YTHDC2: variants seen among roughly 807,000 people sequenced by gnomAD.
YTHDC2 encodes YTH N6-methyladenosine RNA binding protein C2.
A neutral mutation model predicts 174.9 loss-of-function variants in YTHDC2; 45 were observed. The ratio of observed to expected loss-of-function variants is 0.26; its 90% CI spans 0.20 to 0.33. YTHDC2 has a LOEUF of 0.33. YTHDC2 is among the 10% of genes least tolerant of loss of function. The pLI is 1.00. For synonymous variants in YTHDC2, 657 were observed against 574.5 expected (o/e 1.14, Z -2.05); for missense variants, 1,650 against 1,723.7 (o/e 0.96, Z 0.76).
chr5:113,555,979 G>A, intron 16 of YTHDC2, 73 bp from the exon 17 acceptor site: 1 of 868,292 alleles, frequency 1.2e-6, no homozygotes. Flanking sequence ...GTTAAAATAT[G>A]TTGATAACAT....
chr5:113,542,696 A>T (rs1775572200), intron 10 of YTHDC2, among the ~76,000 whole-genome samples, 193 bp downstream of exon 10: 1 of 152,240 alleles, frequency 6.6e-6, no homozygotes, highest in South Asian at 2.1e-4. Context: ...ATATTGTGTT[A>T]AATCAGATTC....
intron 21 of YTHDC2, among the ~76,000 whole-genome samples, chr5:113,566,336 A>G (rs1197376810): frequency 6.6e-6 from 1 of 152,124 alleles, no homozygotes; most frequent in Non-Finnish European, 1.5e-5. Flanking sequence ...TTTTATCACC[A>G]TTAATGAATA....
intron 23 of YTHDC2, among the ~76,000 whole-genome samples, chr5:113,572,130 A>G (rs150517708): frequency 1.3e-5 from 2 of 152,316 alleles, no homozygotes; most frequent in Non-Finnish European, 2.9e-5. Flanking sequence ...CCGTCTTAAC[A>G]CTACTTTAGC....
intron 6 of YTHDC2, among the ~76,000 whole-genome samples, chr5:113,535,290 G>T (rs190635931): frequency 1.1e-4 from 16 of 152,128 alleles, no homozygotes; most frequent in African/African-American, 3.9e-4. Flanking sequence ...AATATAGGTA[G>T]TCTAGAGATG....
chr5:113,553,736 A>G (rs1234101709), intron 14 of YTHDC2, 31 bp from the exon 15 acceptor site: 2 of 1,612,416 alleles, frequency 1.2e-6, no homozygotes, highest in Non-Finnish European at 1.7e-6. Context: ...GACAGGTCTT[A>G]TAGTATGTTT....
chr5:113,556,195 C>A, intron 17 of YTHDC2, 61 bp downstream of exon 17: 2 of 829,664 alleles, frequency 2.4e-6, no homozygotes, highest in Non-Finnish European at 3.9e-6. Flanking sequence ...TTTTTATATG[C>A]ATTACACATT....
In YTHDC2 at chr5:113,545,728, ATTTTTTTTTTTTTTTT is replaced by A. The variant is rs1159754942; in HGVS notation, c.1496-2798_1496-2783del. ...ATTTTTTGAAAAATAATTGATCTCC[ATTTTTTTTTTTTTTTT>A]TTTTTTTTTTTTTTGAGACGGAGTC... On this transcript the variant is annotated intron_variant, in intron 10 of 29. Coordinates refer to ENST00000161863, the MANE Select transcript of YTHDC2 (RefSeq NM_022828.5). Among the ~76,000 whole-genome samples the A allele has an allele frequency of 5.0e-4, 25 of 49,512 alleles. 4 individuals are homozygous for A. Among genetic ancestry groups the A allele is most frequent in the Admixed American group, 9.3e-4 (4 of 4,314 alleles). 32.5% of individuals were successfully genotyped at this position (49,512 alleles called of 152,430 possible).
Position 113,526,829 on chromosome 5 carries a change from AT to A in YTHDC2, c.675+45del, listed in dbSNP as rs1490903558. On this transcript the variant is annotated intron_variant, in intron 4 of 29. Transcript: ENST00000161863. ...GTTTATAGAAAAAAAAAAAAAAAAT[AT>A]ATATATATATATATATATAGTCCCA... 1,215 of 184,132 alleles carry A rather than the reference AT, an allele frequency of 6.6e-3. 2 individuals carry two copies. Among genetic ancestry groups the A allele is most frequent in the African/African-American group, 0.031 (650 of 21,076 alleles). 11.4% of individuals were successfully genotyped at this position (184,132 alleles called of 1,614,324 possible). A position where few individuals can be genotyped will look rare whatever the true frequency, so the allele number is the denominator to read the frequency against.
At chr5:113,556,868 A>G (rs1776643504) in intron 17 of YTHDC2, among the ~76,000 whole-genome samples, 1 of 152,342 alleles carries the variant, frequency 6.6e-6, no homozygotes, top group African/African-American at 2.4e-5. Context: ...ATAATAATGT[A>G]AAGTCTGGGA....
intron 24 of YTHDC2, among the ~76,000 whole-genome samples, chr5:113,581,110 A>G (rs1778377109): frequency 1.3e-5 from 2 of 152,282 alleles, no homozygotes; most frequent in South Asian, 2.1e-4. Flanking sequence ...CTAAAATAAC[A>G]CTATGAGCTA....
intron 23 of YTHDC2, among the ~76,000 whole-genome samples, chr5:113,578,318 C>T (rs975683318): frequency 6.6e-6 from 1 of 152,132 alleles, no homozygotes; most frequent in East Asian, 1.9e-4. Flanking sequence ...ACCTTAGCCT[C>T]CTGAGTAGCT....
intron 7 of YTHDC2, among the ~76,000 whole-genome samples, chr5:113,537,211 A>G (rs1775140572): frequency 6.6e-6 from 1 of 152,196 alleles, no homozygotes; most frequent in Non-Finnish European, 1.5e-5. Context: ...AAAGGCTGAA[A>G]TGATTTACAT....
At chr5:113,566,952 A>G (rs1467384745) in intron 21 of YTHDC2, 140 bp from the exon 22 acceptor site, 16 of 981,928 alleles carry the variant, frequency 1.6e-5, no homozygotes, top group East Asian at 1.1e-4. Flanking sequence ...ATTTTAAACA[A>G]CTTTCCAGAG....
At chr5:113,576,968 A>G (rs528441683) in intron 23 of YTHDC2, among the ~76,000 whole-genome samples, 1 of 152,190 alleles carries the variant, frequency 6.6e-6, no homozygotes, top group South Asian at 2.1e-4. Context: ...GTTTTCTATA[A>G]TTTGATTTTT....
At chr5:113,570,778 G>A (rs1777663370) in intron 23 of YTHDC2, among the ~76,000 whole-genome samples, 1 of 152,046 alleles carries the variant, frequency 6.6e-6, no homozygotes, top group Admixed American at 6.5e-5. Flanking sequence ...AGCCTCCGGA[G>A]TAGCTGGGAT....
chr5:113,514,337 C>T (rs1773248583), intron 1 of YTHDC2: 4 of 674,986 alleles, frequency 5.9e-6, no homozygotes, highest in African/African-American at 1.8e-5. Flanking sequence ...GTTTTTCCCC[C>T]GCGTCTTTCA....
chr5:113,521,961 A>G (rs1580476002), intron 2 of YTHDC2, among the ~76,000 whole-genome samples: 1 of 151,992 alleles, frequency 6.6e-6, no homozygotes, highest in Non-Finnish European at 1.5e-5. Context: ...AATCATAAAA[A>G]AGTACAAATT....
chr5:113,550,147 A>G (rs1188581252), intron 12 of YTHDC2, among the ~76,000 whole-genome samples: 1 of 151,558 alleles, frequency 6.6e-6, no homozygotes, highest in Non-Finnish European at 1.5e-5. Context: ...CCGGGCAGGT[A>G]CAGCACAGGG....
chr5:113,560,452 T>C (rs998264046), intron 17 of YTHDC2, among the ~76,000 whole-genome samples: 8 of 152,216 alleles, frequency 5.3e-5, no homozygotes, highest in African/African-American at 1.9e-4. Context: ...TCAGATTTTA[T>C]AGCTCTTATA....
Sources: gnomAD v4.1 joint callset for allele counts (sites outside exome capture counted in the v4.1 genomes callset) on GRCh38, gnomAD v4.1.1 for gene constraint, MANE v1.5 for transcripts, NCBI Gene and HGNC (gene_info 2026-07-23, HGNC 2026-07-21) for gene names.